OPRL1: variants seen among roughly 807,000 people sequenced by gnomAD.
The protein encoded by OPRL1 is nociceptin receptor.
In OPRL1, 5 loss-of-function variants were observed where a neutral mutation model predicts 15.5. The observed-to-expected ratio is 0.32, with a 90% CI of 0.17 to 0.68. The LOEUF is 0.68. Ranked by LOEUF, OPRL1 falls within the 30% of genes least tolerant of loss-of-function variation. The pLI is 0.72. For synonymous variants in OPRL1, 223 were observed against 230.2 expected, an observed-to-expected ratio of 0.97 and a Z score of 0.28; for missense variants, 406 against 515.3, an observed-to-expected ratio of 0.79 and a Z score of 2.05.
chr20:64,093,167 C>T (rs1344625856), intron 3 of OPRL1, among the ~76,000 whole-genome samples: 1 of 151,836 alleles, frequency 6.6e-6, no homozygotes, highest in Non-Finnish European at 1.5e-5. Flanking sequence ...GGCCCTGGCC[C>T]ACCGCGCTCT....
Position 64,083,411 on chromosome 20 carries a change from C to A in OPRL1, c.-185+3059C>A. ...TATAACTTTATGTGGGAGGCTGGGG[C>A]GCGTCGCACACTCTCAGTCGCCGTC... On this transcript the variant is annotated intron_variant, in intron 1 of 4. Coordinates refer to ENST00000336866, the MANE Select transcript of OPRL1 (RefSeq NM_182647.4). This position sits in a 1 kb window ranked among gnomAD's most constrained non-coding sequence, Gnocchi z 4.9. 1 of 1,611,706 alleles carries A rather than the reference C, an allele frequency of 6.2e-7. No homozygotes were observed. Among genetic ancestry groups the A allele is most frequent in the Non-Finnish European group, 8.5e-7 (1 of 1,179,534 alleles).
At position 64,083,521 on chromosome 20, in the gene OPRL1, G is replaced by T; in HGVS notation, c.-185+3169G>T. 6.4e-7 allele frequency: 1 copy of T among 1,572,358 alleles called. No homozygotes were observed. The highest frequency in any genetic ancestry group is 8.6e-7 in the Non-Finnish European group (1 of 1,159,814). On this transcript the variant is annotated intron_variant, in intron 1 of 4. Coordinates refer to ENST00000336866, the MANE Select transcript of OPRL1 (RefSeq NM_182647.4). The surrounding 1 kb of genome is among the most constrained non-coding windows in gnomAD (Gnocchi z 4.9). Reference sequence around the variant, plus strand: ...TGCCGGGGAGAGAGGCTGGGGTCCGGCGTGTGCGGAGGCGGGCAGGGCCCC... The same window carrying T: ...TGCCGGGGAGAGAGGCTGGGGTCCGTCGTGTGCGGAGGCGGGCAGGGCCCC...
At position 64,089,119 on chromosome 20, in the gene OPRL1, G is replaced by T. The variant is rs1276352103; in HGVS notation, c.-184-2847G>T. 6.6e-6 allele frequency among the ~76,000 whole-genome samples: 1 copy of T among 152,014 alleles called. No homozygotes were observed. Among genetic ancestry groups the T allele is most frequent in the East Asian group, 1.9e-4 (1 of 5,190 alleles). On this transcript the variant is annotated intron_variant, in intron 1 of 4. Transcript: ENST00000336866. The surrounding 1 kb of genome is among the most constrained non-coding windows in gnomAD (Gnocchi z 5.5). Reference sequence around the variant, plus strand: ...GGCCTAGGCTGTTCAGCATGCCAGGGTCTGTGCTGGGGGTTTGCCGCAGGC... The same window carrying T: ...GGCCTAGGCTGTTCAGCATGCCAGGTTCTGTGCTGGGGGTTTGCCGCAGGC...
chr20:64,096,389 G>T (rs943857440), intron 3 of OPRL1, among the ~76,000 whole-genome samples: 1 of 152,036 alleles, frequency 6.6e-6, no homozygotes, highest in Non-Finnish European at 1.5e-5. Context: ...CTTTTTACCA[G>T]CTCTAAGGCC....
chr20:64,092,686 A>G lies in OPRL1; in HGVS notation c.-33-2A>G, dbSNP rs1463752089. On this transcript the variant is annotated splice_acceptor_variant, in intron 2 of 4. Transcript: ENST00000336866. LOFTEE classifies it low-confidence loss of function (5UTR_SPLICE). ...GCCACTTGTCTCTGCGCTCTGTCCC[A>G]GGTACCGTACAGAGTGGATTTGCAG... 1.3e-6 allele frequency: 2 copies of G among 1,583,168 alleles called. No individual in the cohort carries two copies. Among genetic ancestry groups the G allele is most frequent in the Non-Finnish European group, 1.7e-6 (2 of 1,156,876 alleles).
Position 64,092,836 on chromosome 20 carries a change from A to C in OPRL1, c.116A>C (p.Asn39Thr), listed in dbSNP as rs769147015. Reference protein sequence around the residue: ...HSLLPPHLLLNASHGAFLPLG... With the variant: ...HSLLPPHLLLTASHGAFLPLG... ...CTGCTGCCCCCGCATCTGCTGCTCA[A>C]TGCCAGCCACGGCGCCTTCCTGCCC... Residue 39 changes from asparagine to threonine, a missense_variant, in exon 3 of 5, where the codon AAT becomes ACT. Physicochemically the swap from Asn to Thr is moderately conservative, Grantham distance 65 (BLOSUM62 0). Transcript: ENST00000336866. The C allele has an allele frequency of 1.7e-5, 28 of 1,612,572 alleles. No homozygotes were observed. The highest frequency in any genetic ancestry group is 2.3e-5 in the Non-Finnish European group (27 of 1,179,936).
chr20:64,092,272 G>A (rs928646824), intron 2 of OPRL1, among the ~76,000 whole-genome samples, 156 bp downstream of exon 2: 8 of 152,062 alleles, frequency 5.3e-5, no homozygotes, highest in Non-Finnish European at 8.8e-5. Context: ...GGCAGGTTTG[G>A]GCATTTCTGT....
intron 1 of OPRL1, chr20:64,085,260 G>A (rs535120273): frequency 2.6e-5 from 4 of 152,244 alleles, no homozygotes; most frequent in Non-Finnish European, 5.9e-5. Flanking sequence ...CCTCGGCTAT[G>A]AGGAGACCTT....
Position 64,092,936 on chromosome 20 carries a change from C to A in OPRL1, c.216C>A (p.Val72=). The A allele has an allele frequency of 6.2e-7, 1 of 1,612,496 alleles. No individual in the cohort carries two copies. Among genetic ancestry groups the A allele is most frequent in the South Asian group, 1.1e-5 (1 of 91,078 alleles). ...GAGGGCTCCTGGGGAACTGCCTTGT[C>A]ATGTACGTCATCCTCAGGTAGGCTG... ...CVGGLLGNCL[V]MYVILRHTKM... Residue 72 remains valine, a synonymous_variant, in exon 3 of 5, where the codon GTC becomes GTA. Transcript: ENST00000336866.
In OPRL1 at chr20:64,090,560, C is replaced by T. The variant is rs1398662279; in HGVS notation, c.-184-1406C>T. On this transcript the variant is annotated intron_variant, in intron 1 of 4. Transcript: ENST00000336866. This position sits in a 1 kb window ranked among gnomAD's most constrained non-coding sequence, Gnocchi z 4.9. Reference sequence around the variant, plus strand: ...AAAGCTCGTGCAGGAAGTACAACCCCATGACCGGGAGGGAGCTGGTGATTC... The same window carrying T: ...AAAGCTCGTGCAGGAAGTACAACCCTATGACCGGGAGGGAGCTGGTGATTC... 2.0e-5 allele frequency among the ~76,000 whole-genome samples: 3 copies of T among 152,194 alleles called. No homozygotes were observed. Among genetic ancestry groups the T allele is most frequent in the African/African-American group, 7.2e-5 (3 of 41,446 alleles).
intron 1 of OPRL1, among the ~76,000 whole-genome samples, chr20:64,088,857 GCAGGGTCTGTGCAGAGTGGC>G (rs2060089749): frequency 2.6e-4 from 4 of 15,340 alleles, no homozygotes; most frequent in African/African-American, 4.2e-4. Flanking sequence ...TGCAGGGAGG[GCAGGGTCTGTGCAGAGTGGC>G]CAGGGTCTGT....
chr20:64,096,014 G>A (rs1035203751), intron 3 of OPRL1, among the ~76,000 whole-genome samples: 5 of 152,118 alleles, frequency 3.3e-5, no homozygotes, highest in Admixed American at 2.0e-4. Context: ...CCCCACTGCT[G>A]ACTCCTAAGG....
At position 64,099,990 on chromosome 20, in the gene OPRL1, G is replaced by A. The variant is rs1294568294; in HGVS notation, c.*1191G>A. The A allele has an allele frequency of 6.6e-6, 1 of 152,020 alleles. No homozygotes were observed. The highest frequency in any genetic ancestry group is 1.5e-5 in the Non-Finnish European group (1 of 68,034). 9.4% of individuals were successfully genotyped at this position (152,020 alleles called of 1,614,324 possible). A position where few individuals can be genotyped will look rare whatever the true frequency, so the allele number is the denominator to read the frequency against. ...CAAGATGGCTCTGTGTAGGGCCTGAGCTTGCTGCCCAACGGGAGGATGGCT... is the reference window on the plus strand; with the variant it reads ...CAAGATGGCTCTGTGTAGGGCCTGAACTTGCTGCCCAACGGGAGGATGGCT... On this transcript the variant is annotated 3_prime_UTR_variant, in exon 5 of 5. Transcript: ENST00000336866.
rs1047974479 is a variant in OPRL1, at chr20:64,098,399, T to C, written c.713T>C (p.Met238Thr). 1.2e-6 allele frequency: 2 copies of C among 1,613,720 alleles called. No individual in the cohort carries two copies. The highest frequency in any genetic ancestry group is 1.7e-6 in the Non-Finnish European group (2 of 1,180,006). Residue 238 changes from methionine to threonine, a missense_variant, in exon 5 of 5, where the codon ATG becomes ACG. By Grantham distance (81) the Met-to-Thr change is moderately conservative. Transcript: ENST00000336866. ...GTCATCTCTGTCTGCTACAGCCTCA[T>C]GATCCGGCGGCTCCGTGGAGTCCGC... ...VLVISVCYSLMIRRLRGVRLL... is the reference protein window; with the variant it reads ...VLVISVCYSLTIRRLRGVRLL...
chr20:64,086,124 C>G (rs1003947117), intron 1 of OPRL1, among the ~76,000 whole-genome samples: 1 of 152,198 alleles, frequency 6.6e-6, no homozygotes, highest in African/African-American at 2.4e-5. Flanking sequence ...CCTTTGTGCT[C>G]CCATAGGGGT....
In OPRL1 at chr20:64,098,340, C is replaced by A. The variant is rs767233709; in HGVS notation, c.654C>A (p.Cys218Ter). ...QDYWGPVFAI[C>*]IFLFSFIVPV... ...ACTGGGGCCCGGTGTTTGCCATCTG[C>A]ATCTTCCTCTTCTCCTTCATCGTCC... The change falls in exon 5 of 5, where the codon TGC becomes TGA. Residue 218 changes from cysteine to a stop codon, truncating the protein, a stop_gained. Coordinates refer to ENST00000336866, the MANE Select transcript of OPRL1 (RefSeq NM_182647.4). LOFTEE classifies it high-confidence loss of function. 1 of 1,614,016 alleles carries A rather than the reference C, an allele frequency of 6.2e-7. No individual in the cohort carries two copies. Among genetic ancestry groups the A allele is most frequent in the Non-Finnish European group, 8.5e-7 (1 of 1,180,000 alleles).
At chr20:64,081,574 C>T (rs557543049) in intron 1 of OPRL1, among the ~76,000 whole-genome samples, 1 of 152,324 alleles carries the variant, frequency 6.6e-6, no homozygotes, top group East Asian at 1.9e-4. Context: ...TGCCTCTCGG[C>T]ACACAGCATC....
chr20:64,086,227 C>A (rs139657511), intron 1 of OPRL1, among the ~76,000 whole-genome samples: 3 of 152,146 alleles, frequency 2.0e-5, no homozygotes, highest in Non-Finnish European at 4.4e-5. Flanking sequence ...TGGCTCTTGG[C>A]GTTTGTGGGG....
At chr20:64,095,345 C>CG (rs1319774105) in intron 3 of OPRL1, among the ~76,000 whole-genome samples, 2 of 59,638 alleles carry the variant, frequency 3.4e-5, no homozygotes, top group Non-Finnish European at 6.2e-5. Context: ...GGTGGATAGT[C>CG]GGGGGGGAGC....
Sources: gnomAD v4.1 joint callset for allele counts (sites outside exome capture counted in the v4.1 genomes callset) on GRCh38, gnomAD v4.1.1 for gene constraint, Gnocchi (gnomAD v3.1) non-coding constraint, MANE v1.5 for transcripts, NCBI Gene and HGNC (gene_info 2026-07-23, HGNC 2026-07-21) for gene names.